The following HEXD variants were observed in gnomAD, a reference collection of about 807,000 sequenced individuals.
HEXD encodes the protein N-acetyl-beta-galactosaminidase.
HEXD carries 47 observed loss-of-function variants against 54.2 expected under a neutral mutation model. The ratio of observed to expected loss-of-function variants is 0.87; its 90% CI spans 0.69 to 1.11. The LOEUF (loss-of-function observed/expected upper bound fraction) is 1.11, where lower values mean the gene tolerates loss of function less well. Among genes scored for constraint, HEXD ranks in the 50% least tolerant of loss-of-function variants. The pLI is 0.00. For missense variants in HEXD, 576 were observed against 649.2 expected, an observed-to-expected ratio of 0.89 and a Z score of 1.23; for synonymous variants, 293 against 287.6, an observed-to-expected ratio of 1.02 and a Z score of -0.19.
At chr17:82,424,909 A>AGCTGGAGAAGGCTAGAGAAG (rs2053353856) in intron 3 of HEXD, among the ~76,000 whole-genome samples, 1 of 148,818 alleles carries the variant, frequency 6.7e-6, no homozygotes, top group Non-Finnish European at 1.5e-5. Context: ...GGCTAGAGAA[A>AGCTGGAGAAGGCTAGAGAAG]GCTGGAGAAG....
intron 4 of HEXD, among the ~76,000 whole-genome samples, chr17:82,431,488 G>A (rs1281008748): frequency 1.3e-5 from 2 of 151,352 alleles, no homozygotes; most frequent in African/African-American, 2.4e-5. Context: ...GAGTGCAGCG[G>A]CGTGATCTCA....
At chr17:82,422,449 A>G (rs2053262897) in intron 2 of HEXD, among the ~76,000 whole-genome samples, 1 of 151,650 alleles carries the variant, frequency 6.6e-6, no homozygotes, top group African/African-American at 2.4e-5. Context: ...GTGAGCCAAG[A>G]TCGTGCCACT....
At chr17:82,435,557 G>A (rs2053735276) in intron 5 of HEXD, 132 bp from the exon 6 acceptor site, 4 of 816,880 alleles carry the variant, frequency 4.9e-6, no homozygotes, top group Non-Finnish European at 7.7e-6. Context: ...GGTAAGCAAA[G>A]GCTCCGAGCC....
At chr17:82,439,440 G>C in intron 8 of HEXD, 191 bp from the exon 9 acceptor site, 1 of 985,434 alleles carries the variant, frequency 1.0e-6, no homozygotes, top group African/African-American at 1.7e-5. Flanking sequence ...GAACGGAGTT[G>C]ACATGAGAGC....
In HEXD at chr17:82,435,784, G is replaced by A; in HGVS notation, c.543G>A (p.Val181=). Reference sequence around the variant, plus strand: ...TGTGCCTGTCACACATGCGGGCGGTGGCCAGCGGCGTGAAGGCCCGGCGCC... The same window carrying A: ...TGTGCCTGTCACACATGCGGGCGGTAGCCAGCGGCGTGAAGGCCCGGCGCC... The part of the protein sequence containing the change: ...GKLCLSHMRA[V]ASGVKARRPS... The change falls in exon 6 of 13, where the codon GTG becomes GTA. Residue 181 remains valine (V), a synonymous_variant. Coordinates refer to ENST00000327949, the MANE Select transcript of HEXD (RefSeq NM_001330542.2). 6.2e-7 allele frequency: 1 copy of A among 1,612,870 alleles called. No homozygotes were observed. The highest frequency in any genetic ancestry group is 1.3e-5 in the African/African-American group (1 of 75,054).
chr17:82,424,277 A>G, intron 2 of HEXD, 117 bp from the exon 3 acceptor site: 1 of 701,070 alleles, frequency 1.4e-6, no homozygotes, highest in East Asian at 2.5e-5. Flanking sequence ...GGAGAAATAG[A>G]AGTAGCAACT....
In HEXD at chr17:82,433,126, ATAT is replaced by A. The variant is rs1454206546; in HGVS notation, c.283-530_283-528del. Among the ~76,000 whole-genome samples, 27 of 13,546 alleles carry A rather than the reference ATAT, an allele frequency of 2.0e-3. 1 individual carries two copies. Among genetic ancestry groups the A allele is most frequent in the Middle Eastern group, 0.1 (1 of 10 alleles). The allele number at this position is 13,546 out of a possible 152,430, so 8.9% of individuals were successfully genotyped here. On this transcript the variant is annotated intron_variant, in intron 4 of 12. Coordinates refer to ENST00000327949, the MANE Select transcript of HEXD (RefSeq NM_001330542.2). Reference sequence around the variant, plus strand: ...TATATATATATATATATATATATATATATTTTTTTTTTTTTTTTATATATATAT... The same window carrying A: ...TATATATATATATATATATATATATATTTTTTTTTTTTTTTATATATATAT...
At chr17:82,424,569 C>T in intron 3 of HEXD, 66 bp downstream of exon 3, 7 of 1,100,664 alleles carry the variant, frequency 6.4e-6, no homozygotes, top group Non-Finnish European at 5.5e-6. Flanking sequence ...TTCCGCAGGG[C>T]AGGAGGAGCA....
At chr17:82,427,951 A>C (rs1330400535) in intron 3 of HEXD, 1 of 152,062 alleles carries the variant, frequency 6.6e-6, no homozygotes, top group East Asian at 1.9e-4. Flanking sequence ...GCAGCTGCTG[A>C]CCCGGCTCTG....
At chr17:82,439,315 G>A in intron 8 of HEXD, 1 of 493,930 alleles carries the variant, frequency 2.0e-6, no homozygotes, top group Non-Finnish European at 2.6e-6. Flanking sequence ...GAGGCCAGAG[G>A]TGCTGGGGGG....
rs545444035 is a variant in HEXD at position 82,426,644 on chromosome 17, C to G, written c.195-1914C>G. On this transcript the variant is annotated intron_variant, in intron 3 of 12. Transcript: ENST00000327949. ...AGTACTCAAATCAAAGAAACTAAAT[C>G]AATAATGCAACACCATCCTGGCTAC... is the stretch of plus-strand genomic sequence containing the variant. The G allele has an allele frequency of 1.9e-3, 285 of 152,172 alleles. 6 individuals carry two copies. In the South Asian group the frequency reaches 0.056, roughly 30 times the overall value. 9.4% of individuals were successfully genotyped at this position (152,172 alleles called of 1,614,324 possible).
chr17:82,433,268 G>A (rs192358519), intron 4 of HEXD, among the ~76,000 whole-genome samples: 2,316 of 148,958 alleles, frequency 0.016, 64 homozygotes, highest in African/African-American at 0.055. Context: ...ATAGTGAAAC[G>A]CCATCTCTAC....
Position 82,437,325 on chromosome 17 carries a change from G to C in HEXD, c.861G>C (p.Thr287=). Residue 287 remains threonine, a synonymous_variant, in exon 8 of 13, where the codon ACG becomes ACC. Transcript: ENST00000327949. Reference sequence around the variant, plus strand: ...TGCAGGTGGCGGGCAGCGGGCCCACGGACTCACTGCAGGGCATCATCCTGA... The same window carrying C: ...TGCAGGTGGCGGGCAGCGGGCCCACCGACTCACTGCAGGGCATCATCCTGA... ...QWLQVAGSGP[T]DSLQGIILTG... 1 of 1,610,410 alleles carries C rather than the reference G, an allele frequency of 6.2e-7. No individual in the cohort carries two copies. Among genetic ancestry groups the C allele is most frequent in the Non-Finnish European group, 8.5e-7 (1 of 1,178,846 alleles).
At chr17:82,429,609 AAGTCCAGGGACGGTTTT>A in intron 4 of HEXD, among the ~76,000 whole-genome samples, 1 of 152,096 alleles carries the variant, frequency 6.6e-6, no homozygotes, top group East Asian at 1.9e-4. Context: ...CCAGGTCACT[AAGTCCAGGGACGGTTTT>A]AGTCCTTTCC....
intron 8 of HEXD, among the ~76,000 whole-genome samples, chr17:82,438,371 G>C (rs757963278): frequency 6.6e-6 from 1 of 152,166 alleles, no homozygotes; most frequent in Non-Finnish European, 1.5e-5. Context: ...CAGGACTGTC[G>C]GCTGTTGTAG....
rs769573269 is a variant in HEXD, at chr17:82,442,598, ATGTG to A, written c.*217_*220del. 3.8e-6 allele frequency: 6 copies of A among 1,562,892 alleles called. No individual in the cohort carries two copies. The East Asian group carries it at 1.4e-4, about 36-fold the overall frequency. On this transcript the variant is annotated 3_prime_UTR_variant, in exon 13 of 13. Transcript: ENST00000327949. The surrounding 1 kb of genome is among the most constrained non-coding windows in gnomAD (Gnocchi z 6.8). Reference sequence around the variant, plus strand: ...CAGGGAGACCCGCTTTGTGATCTGCATGTGTGACACTGATTCTTTGGAAATAAAG... The same window carrying A: ...CAGGGAGACCCGCTTTGTGATCTGCATGACACTGATTCTTTGGAAATAAAG...
Position 82,418,493 on chromosome 17 carries a change from G to C in HEXD, c.-299G>C, listed in dbSNP as rs1690658313. 7.2e-7 allele frequency: 1 copy of C among 1,392,798 alleles called. No individual in the cohort carries two copies. The highest frequency in any genetic ancestry group is 9.3e-7 in the Non-Finnish European group (1 of 1,075,496). The allele number at this position is 1,392,798 out of a possible 1,614,324, so 86.3% of individuals were successfully genotyped here. On this transcript the variant is annotated 5_prime_UTR_variant, in exon 1 of 13. Coordinates refer to ENST00000327949, the MANE Select transcript of HEXD (RefSeq NM_001330542.2). Reference sequence around the variant, plus strand: ...CCTCCGCTGAGGAGCCATCGGACCAGGCCGCCGCGGAGCCGGGCCGGACGC... The same window carrying C: ...CCTCCGCTGAGGAGCCATCGGACCACGCCGCCGCGGAGCCGGGCCGGACGC...
At chr17:82,433,902 G>A in intron 5 of HEXD, 80 bp downstream of exon 5, 3 of 1,298,020 alleles carry the variant, frequency 2.3e-6, no homozygotes, top group South Asian at 2.8e-5. Flanking sequence ...AATCTTCCAG[G>A]CACTGAGGCC....
rs1220811941 is a variant in HEXD, at chr17:82,441,053, C to G, written c.1039C>G (p.Leu347Val). 1 of 1,613,628 alleles carries G rather than the reference C, an allele frequency of 6.2e-7. No homozygotes were observed. Among genetic ancestry groups the G allele is most frequent in the East Asian group, 2.2e-5 (1 of 44,884 alleles). The change falls in exon 10 of 13, where the codon CTG becomes GTG. Residue 347 changes from leucine (L) to valine (V), a missense_variant. Physicochemically the swap from Leu to Val is conservative, Grantham distance 32. Coordinates refer to ENST00000327949, the MANE Select transcript of HEXD (RefSeq NM_001330542.2). ...GGAGAACCTTCTCGGGATTTCCAGCCTGGAAAAAACGGACCCTGTTAGGCA... is the reference window on the plus strand; with the variant it reads ...GGAGAACCTTCTCGGGATTTCCAGCGTGGAAAAAACGGACCCTGTTAGGCA... ...KVENLLGISS[L>V]EKTDPVREGA...
Sources: gnomAD v4.1 joint callset for allele counts (sites outside exome capture counted in the v4.1 genomes callset) on GRCh38, gnomAD v4.1.1 for gene constraint, Gnocchi (gnomAD v3.1) non-coding constraint, MANE v1.5 for transcripts, NCBI Gene and HGNC (gene_info 2026-07-23, HGNC 2026-07-21) for gene names.